The following NALF1 variants were observed in gnomAD, a reference collection of about 807,000 sequenced individuals.
The protein encoded by NALF1 is NALCN channel auxiliary factor 1, also known as family with sequence similarity 155 member A.
NALF1 carries 3 observed loss-of-function variants against 48.4 expected under a neutral mutation model. The ratio of observed to expected loss-of-function variants is 0.06; its 90% CI spans 0.03 to 0.16. NALF1 has a LOEUF of 0.16. Ranked by LOEUF, NALF1 falls within the 10% of genes least tolerant of loss-of-function variation. The pLI, the probability that NALF1 is intolerant of heterozygous loss-of-function variation, is 1.00. For missense variants in NALF1, 526 were observed against 571.5 expected (o/e 0.92, Z 0.81); for synonymous variants, 262 against 245.7 (o/e 1.07, Z -0.62).
In NALF1 at chr13:107,852,252, G is replaced by C. The variant is rs375352695; in HGVS notation, c.915+13430C>G. ...CTTACATTTTTCCATGTCCATATAT[G>C]AGTCACACATGATGAAATGCTTGAT... On this transcript the variant is annotated intron_variant, in intron 1 of 2. Coordinates refer to ENST00000375915, the MANE Select transcript of NALF1 (RefSeq NM_001080396.3). Among the ~76,000 whole-genome samples the C allele has an allele frequency of 3.9e-5, 6 of 152,024 alleles. No homozygotes were observed. The East Asian group carries it at 7.7e-4, about 20-fold the overall frequency.
intron 1 of NALF1, among the ~76,000 whole-genome samples, chr13:107,424,751 A>T (rs1884250800): frequency 6.6e-6 from 1 of 152,228 alleles, no homozygotes; most frequent in African/African-American, 2.4e-5. Context: ...TCTACTACTC[A>T]TATAAATGTA....
chr13:107,849,765 GCT>G (rs370514808), intron 1 of NALF1, among the ~76,000 whole-genome samples: 1 of 152,278 alleles, frequency 6.6e-6, no homozygotes, highest in Admixed American at 6.5e-5. Flanking sequence ...CCACCTGCAA[GCT>G]CTCTTCTTTT....
At chr13:107,543,686 C>A (rs765765242) in intron 1 of NALF1, among the ~76,000 whole-genome samples, 1 of 151,462 alleles carries the variant, frequency 6.6e-6, no homozygotes, top group Admixed American at 6.6e-5. Context: ...TATATATACG[C>A]GTATATACAC....
At chr13:107,188,684 G>A (rs1046782986) in intron 2 of NALF1, among the ~76,000 whole-genome samples, 4 of 152,234 alleles carry the variant, frequency 2.6e-5, no homozygotes, top group African/African-American at 9.6e-5. Flanking sequence ...TGACATTAGT[G>A]AGAGTAAGGA....
chr13:107,417,057 C>T (rs118177344), intron 1 of NALF1, among the ~76,000 whole-genome samples: 983 of 152,280 alleles, frequency 6.5e-3, no homozygotes, highest in Non-Finnish European at 9.2e-3. Context: ...CATCCCATCC[C>T]GACATTATCC....
intron 1 of NALF1, among the ~76,000 whole-genome samples, chr13:107,734,307 T>A (rs1341431463): frequency 6.6e-6 from 1 of 151,928 alleles, no homozygotes; most frequent in Non-Finnish European, 1.5e-5. Flanking sequence ...TATTAGCCAA[T>A]GAATTCTACA....
At chr13:107,353,317 G>A (rs1371337087) in intron 1 of NALF1, among the ~76,000 whole-genome samples, 1 of 152,172 alleles carries the variant, frequency 6.6e-6, no homozygotes, top group Non-Finnish European at 1.5e-5. Context: ...AGAGCAAAGG[G>A]GAAAGTTTTC....
intron 1 of NALF1, among the ~76,000 whole-genome samples, chr13:107,314,746 C>G (rs1456030068): frequency 6.6e-6 from 1 of 152,182 alleles, no homozygotes. Context: ...AGACTGTCTG[C>G]CCTGGAAGGA....
intron 1 of NALF1, among the ~76,000 whole-genome samples, chr13:107,632,909 G>GAAAA (rs57758796): frequency 5.0e-5 from 7 of 139,160 alleles, no homozygotes; most frequent in African/African-American, 7.9e-5. Flanking sequence ...CAAGCCTCAT[G>GAAAA]AAAAAAAAAA....
In NALF1 at chr13:107,393,195, T is replaced by C. The variant is rs140873743; in HGVS notation, c.916-182440A>G. On this transcript the variant is annotated intron_variant, in intron 1 of 2. Coordinates refer to ENST00000375915, the MANE Select transcript of NALF1 (RefSeq NM_001080396.3). ...TTAGGTTTGCTTTGATATTTTTAGT[T>C]ACTATAAAGAGTTACAGGAGAAAGA... is the stretch of plus-strand genomic sequence containing the variant. Among the ~76,000 whole-genome samples, 493 of 152,296 alleles carry C rather than the reference T, an allele frequency of 3.2e-3. 4 individuals are homozygous for C. Among genetic ancestry groups the C allele is most frequent in the African/African-American group, 0.011 (440 of 41,562 alleles).
intron 1 of NALF1, among the ~76,000 whole-genome samples, chr13:107,552,422 A>G (rs1455576371): frequency 6.6e-6 from 1 of 152,208 alleles, no homozygotes; most frequent in Non-Finnish European, 1.5e-5. Context: ...AAATTAGATA[A>G]TATTAGGAAA....
intron 1 of NALF1, among the ~76,000 whole-genome samples, chr13:107,555,238 G>A (rs1381878973): frequency 6.6e-6 from 1 of 151,478 alleles, no homozygotes; most frequent in Non-Finnish European, 1.5e-5. Context: ...TACGTTGTGA[G>A]GGGAGAAGAT....
intron 1 of NALF1, among the ~76,000 whole-genome samples, chr13:107,601,988 A>G (rs1025236535): frequency 6.6e-6 from 1 of 152,062 alleles, no homozygotes; most frequent in African/African-American, 2.4e-5. Flanking sequence ...GTTTCCTTGA[A>G]CATTTTTTCT....
intron 1 of NALF1, among the ~76,000 whole-genome samples, chr13:107,325,615 A>T (rs1016537943): frequency 1.3e-4 from 20 of 152,014 alleles, no homozygotes; most frequent in African/African-American, 4.8e-4. Context: ...AGGCGGGTAG[A>T]TCACTTGAGG....
rs115108606 is a variant in NALF1, at chr13:107,482,669, T to C, written c.916-271914A>G. 6.3e-3 allele frequency among the ~76,000 whole-genome samples: 962 copies of C among 152,206 alleles called. 9 individuals carry two copies. Among genetic ancestry groups the C allele is most frequent in the African/African-American group, 0.021 (891 of 41,526 alleles). On this transcript the variant is annotated intron_variant, in intron 1 of 2. Transcript: ENST00000375915. ...TTTTCAGCAATAGCATGGGAAATGG[T>C]CTTGAATAGTTGTCCTGGGTAAACA...
intron 1 of NALF1, among the ~76,000 whole-genome samples, chr13:107,774,843 T>A (rs1216567991): frequency 6.6e-6 from 1 of 152,134 alleles, no homozygotes; most frequent in Non-Finnish European, 1.5e-5. Flanking sequence ...GCTCTTATGG[T>A]TCTTCCTTCC....
chr13:107,299,281 A>G (rs1356290146), intron 1 of NALF1, among the ~76,000 whole-genome samples: 1 of 152,018 alleles, frequency 6.6e-6, no homozygotes, highest in Non-Finnish European at 1.5e-5. Context: ...AAATACAAAA[A>G]TTAGCTGGGC....
intron 1 of NALF1, among the ~76,000 whole-genome samples, chr13:107,700,629 C>T (rs1283025624): frequency 2.6e-5 from 4 of 151,940 alleles, no homozygotes; most frequent in African/African-American, 9.7e-5. Flanking sequence ...AATACCTGAA[C>T]AGGACTACAG....
chr13:107,761,031 T>C (rs1237753309), intron 1 of NALF1, among the ~76,000 whole-genome samples: 3 of 152,272 alleles, frequency 2.0e-5, no homozygotes, highest in Non-Finnish European at 4.4e-5. Flanking sequence ...TGTCCTCTTG[T>C]AGCCAAGAGT....
Sources: gnomAD v4.1 joint callset for allele counts (sites outside exome capture counted in the v4.1 genomes callset) on GRCh38, gnomAD v4.1.1 for gene constraint, MANE v1.5 for transcripts, NCBI Gene and HGNC (gene_info 2026-07-23, HGNC 2026-07-21) for gene names.